The following KALRN variants were observed in gnomAD, a reference collection of about 807,000 sequenced individuals.
The protein encoded by KALRN is kalirin.
Under a neutral mutation model 353.7 loss-of-function variants are expected in KALRN, and 70 were observed. That is an observed-to-expected ratio of 0.20 (90% CI 0.16 to 0.24). KALRN has a LOEUF of 0.24. Among genes scored for constraint, KALRN ranks in the 10% least tolerant of loss-of-function variants. The pLI, the probability that KALRN is intolerant of heterozygous loss-of-function variation, is 1.00. For missense variants in KALRN, 2,791 were observed against 3,756.7 expected (o/e 0.74, Z 6.72); for synonymous variants, 1,391 against 1,434.8 (o/e 0.97, Z 0.69).
In KALRN at chr3:124,099,138, A is replaced by G. The variant is rs551273437; in HGVS notation, c.73+65325A>G. Among the ~76,000 whole-genome samples, 10 of 152,304 alleles carry G rather than the reference A, an allele frequency of 6.6e-5. No individual in the cohort carries two copies. In the East Asian group the frequency reaches 1.5e-3, roughly 24 times the overall value. On this transcript the variant is annotated intron_variant, in intron 1 of 59. Transcript: ENST00000682506. ...ACATTTCAAATCTTCTCTTCTAGCTATTATGAACTATACAATATAGTGTTA... is the reference window on the plus strand; with the variant it reads ...ACATTTCAAATCTTCTCTTCTAGCTGTTATGAACTATACAATATAGTGTTA...
intron 1 of KALRN, among the ~76,000 whole-genome samples, chr3:124,184,793 T>A (rs957366628): frequency 1.6e-4 from 24 of 152,202 alleles, no homozygotes; most frequent in African/African-American, 5.8e-4. Flanking sequence ...TGGCACATAC[T>A]GGGCACCCAA....
intron 17 of KALRN, among the ~76,000 whole-genome samples, chr3:124,437,021 G>T (rs1241918077): frequency 2.0e-5 from 3 of 150,504 alleles, no homozygotes; most frequent in African/African-American, 2.5e-5. Context: ...CTAGAGATGG[G>T]ACTGGAGAAG....
At chr3:124,162,480 A>G (rs1419361271) in intron 1 of KALRN, 1 of 152,164 alleles carries the variant, frequency 6.6e-6, no homozygotes, top group Non-Finnish European at 1.5e-5. Context: ...AACTCGGAAT[A>G]TTATAGTTTG....
Position 124,439,044 on chromosome 3 carries a change from GCA to G in KALRN, c.3198+10_3198+11del. The G allele has an allele frequency of 6.2e-7, 1 of 1,613,526 alleles. No homozygotes were observed. Among genetic ancestry groups the G allele is most frequent in the East Asian group, 2.2e-5 (1 of 44,822 alleles). On this transcript the variant is annotated splice_region_variant and intron_variant, in intron 18 of 59. Transcript: ENST00000682506. Reference sequence around the variant, plus strand: ...AAAGGAGGCCTTTCTTAAGGTCAGAGCACATTGTCATGCAAGGGCTCAGACTC... The same window carrying G: ...AAAGGAGGCCTTTCTTAAGGTCAGAGCATTGTCATGCAAGGGCTCAGACTC...
At position 124,697,740 on chromosome 3, in the gene KALRN, C is replaced by T; in HGVS notation, c.7831+16C>T. On this transcript the variant is annotated intron_variant, in intron 55 of 59. Coordinates refer to ENST00000682506, the MANE Select transcript of KALRN (RefSeq NM_001388419.1). ...AGAGAGGAAGGTGCACTATCTCCTGCTCTTCTTTTTCTTTTCTCTTCTTTT... is the reference window on the plus strand; with the variant it reads ...AGAGAGGAAGGTGCACTATCTCCTGTTCTTCTTTTTCTTTTCTCTTCTTTT... 2 of 1,509,436 alleles carry T rather than the reference C, an allele frequency of 1.3e-6. No homozygotes were observed. The highest frequency in any genetic ancestry group is 1.3e-5 in the South Asian group (1 of 78,106). The allele number at this position is 1,509,436 out of a possible 1,614,324, so 93.5% of individuals were successfully genotyped here. A position where few individuals can be genotyped will look rare whatever the true frequency, so the allele number is the denominator to read the frequency against.
chr3:124,671,549 T>C, intron 47 of KALRN, 111 bp from the exon 48 acceptor site: 2 of 722,228 alleles, frequency 2.8e-6, no homozygotes, highest in South Asian at 1.7e-5. Context: ...AAGGGTAGTG[T>C]TTTTCTCACT....
At chr3:124,626,927 G>A (rs1038464071) in intron 34 of KALRN, among the ~76,000 whole-genome samples, 2 of 152,214 alleles carry the variant, frequency 1.3e-5, no homozygotes, top group African/African-American at 4.8e-5. Context: ...CTCATTTTCT[G>A]TTTCCTAAGG....
intron 11 of KALRN, among the ~76,000 whole-genome samples, chr3:124,390,038 C>T (rs2089104166): frequency 6.6e-6 from 1 of 152,210 alleles, no homozygotes; most frequent in Admixed American, 6.5e-5. Flanking sequence ...TCATGCTGAA[C>T]TTAAATACAT....
chr3:124,664,692 A>G (rs1192746156), intron 45 of KALRN, among the ~76,000 whole-genome samples: 1 of 152,212 alleles, frequency 6.6e-6, no homozygotes, highest in Non-Finnish European at 1.5e-5. Flanking sequence ...TACAGGCGTG[A>G]GCCACTGCAC....
At chr3:124,248,534 C>T (rs2070672900) in intron 3 of KALRN, among the ~76,000 whole-genome samples, 1 of 152,190 alleles carries the variant, frequency 6.6e-6, no homozygotes, top group Non-Finnish European at 1.5e-5. Context: ...GCAAGTATGA[C>T]AGCCAGCCCC....
chr3:124,334,373 G>C lies in KALRN; in HGVS notation c.1525G>C (p.Val509Leu). 6.2e-7 allele frequency: 1 copy of C among 1,614,250 alleles called. No individual in the cohort carries two copies. The highest frequency in any genetic ancestry group is 8.5e-7 in the Non-Finnish European group (1 of 1,180,038). The change falls in exon 9 of 60, where the codon GTG (valine) becomes CTG (leucine). Residue 509 changes from valine to leucine, a missense_variant. By Grantham distance (32) the Val-to-Leu change is conservative. Transcript: ENST00000682506. The surrounding 1 kb of genome is among the most constrained non-coding windows in gnomAD (Gnocchi z 4.2). Reference sequence around the variant, plus strand: ...CAACTACTCCAAGGCAGTGCACCAGGTGCTGGACGTGGTGCATGAGGTGTT... The same window carrying C: ...CAACTACTCCAAGGCAGTGCACCAGCTGCTGGACGTGGTGCATGAGGTGTT... Reference protein sequence around the residue: ...TANYSKAVHQVLDVVHEVLHH... With the variant: ...TANYSKAVHQLLDVVHEVLHH...
intron 1 of KALRN, among the ~76,000 whole-genome samples, chr3:124,212,969 C>T (rs1452001368): frequency 6.6e-6 from 1 of 151,930 alleles, no homozygotes; most frequent in Non-Finnish European, 1.5e-5. Context: ...AATTTTTTCT[C>T]TATCGTATTT....
rs187103155 is a variant in KALRN at position 124,062,294 on chromosome 3, T to C, written c.73+28481T>C. 9.8e-5 allele frequency among the ~76,000 whole-genome samples: 15 copies of C among 152,332 alleles called. No homozygotes were observed. The East Asian group carries it at 2.9e-3, about 29-fold the overall frequency. On this transcript the variant is annotated intron_variant, in intron 1 of 59. Coordinates refer to ENST00000682506, the MANE Select transcript of KALRN (RefSeq NM_001388419.1). ...AAGTTGGACCAGATAAACTCTGTGGTCTATCTTAGTTCTATGGTTTAGTAA... is the reference window on the plus strand; with the variant it reads ...AAGTTGGACCAGATAAACTCTGTGGCCTATCTTAGTTCTATGGTTTAGTAA...
intron 33 of KALRN, chr3:124,504,897 G>A (rs1264459627): frequency 2.0e-6 from 1 of 505,216 alleles, no homozygotes; most frequent in South Asian, 1.5e-5. Context: ...CTGAGAGCAA[G>A]CCAAGATGTT....
intron 55 of KALRN, among the ~76,000 whole-genome samples, 199 bp from the exon 56 acceptor site, chr3:124,699,670 T>C (rs1559866463): frequency 2.0e-5 from 3 of 152,312 alleles, no homozygotes; most frequent in Middle Eastern, 3.4e-3. Context: ...CTTCCACGCC[T>C]CTCACCATTT....
rs552895408 is a variant in KALRN at position 124,451,923 on chromosome 3, G to C, written c.3553-3254G>C. On this transcript the variant is annotated intron_variant, in intron 21 of 59. Coordinates refer to ENST00000682506, the MANE Select transcript of KALRN (RefSeq NM_001388419.1). ...CTGTGATTTCACTTCTACTCTGCAA[G>C]CAATCACCCAGATCCCTGTCTGTAC... 8.5e-5 allele frequency among the ~76,000 whole-genome samples: 13 copies of C among 152,258 alleles called. No homozygotes were observed. The East Asian group carries it at 2.3e-3, about 27-fold the overall frequency.
At chr3:124,163,802 A>T (rs993477188) in intron 1 of KALRN, 3 of 985,464 alleles carry the variant, frequency 3.0e-6, no homozygotes, top group African/African-American at 1.7e-5. Context: ...CCTGTATGTC[A>T]TCTTGCTCCT....
chr3:124,094,898 G>A, intron 1 of KALRN: 1 of 1,614,004 alleles, frequency 6.2e-7, no homozygotes, highest in South Asian at 1.1e-5. Context: ...CCGGCTGCTG[G>A]ATCGAGGTAT....
intron 10 of KALRN, among the ~76,000 whole-genome samples, chr3:124,372,553 C>A (rs918721301): frequency 6.6e-6 from 1 of 151,724 alleles, no homozygotes; most frequent in African/African-American, 2.4e-5. Context: ...AAAATTAGAA[C>A]CATACTTTGG....
Sources: allele counts gnomAD v4.1 joint callset (sites outside exome capture counted in the v4.1 genomes callset), GRCh38; gene constraint gnomAD v4.1.1; non-coding constraint Gnocchi (gnomAD v3.1); transcripts MANE v1.5; gene names NCBI Gene and HGNC (gene_info 2026-07-23, HGNC 2026-07-21).